USP20: variants seen among roughly 807,000 people sequenced by gnomAD.
USP20 encodes the protein ubiquitin specific peptidase 20.
Under a neutral mutation model 124.2 loss-of-function variants are expected in USP20, and 80 were observed. That is an observed-to-expected ratio of 0.64 (90% CI 0.54 to 0.78). The LOEUF (loss-of-function observed/expected upper bound fraction) is 0.78. Ranked by LOEUF, USP20 falls within the 30% of genes least tolerant of loss-of-function variation. The pLI is 0.00. For synonymous variants in USP20, 481 were observed against 512.3 expected (o/e 0.94, Z 0.83); for missense variants, 1,043 against 1,244.4 (o/e 0.84, Z 2.44).
At position 129,868,363 on chromosome 9, in the gene USP20, T is replaced by G. The variant is rs1164196863; in HGVS notation, c.1049T>G (p.Val350Gly). ...NSEQVDEDADVDTAMAALDDQ... is the reference protein window; with the variant it reads ...NSEQVDEDADGDTAMAALDDQ... The stretch of plus-strand genomic sequence containing the variant: ...GAGCAAGTGGACGAGGACGCTGATG[T>G]GGACACTGCCATGGCTGCCCTTGAC... Residue 350 changes from valine (V) to glycine (G), a missense_variant, in exon 11 of 26, where the codon GTG becomes GGG. Transcript: ENST00000372429. 6.2e-7 allele frequency: 1 copy of G among 1,601,970 alleles called. No individual in the cohort carries two copies. Among genetic ancestry groups the G allele is most frequent in the Non-Finnish European group, 8.5e-7 (1 of 1,176,486 alleles).
chr9:129,878,716 C>G (rs1020359110), intron 23 of USP20, among the ~76,000 whole-genome samples: 1 of 152,210 alleles, frequency 6.6e-6, no homozygotes, highest in South Asian at 2.1e-4. Flanking sequence ...CCTGCAAGGC[C>G]CTTTCCTCAG....
At chr9:129,842,465 TC>T (rs1328986494) in intron 1 of USP20, among the ~76,000 whole-genome samples, 2 of 152,172 alleles carry the variant, frequency 1.3e-5, no homozygotes, top group Non-Finnish European at 2.9e-5. Flanking sequence ...AAGTCACTGT[TC>T]CTAAGGAGGT....
At chr9:129,835,738 G>T (rs964948034) in intron 1 of USP20, 4 of 152,544 alleles carry the variant, frequency 2.6e-5, no homozygotes, top group African/African-American at 9.7e-5. Flanking sequence ...GGGGCTCGTG[G>T]CTTCTCCAGA....
chr9:129,856,407 G>C, intron 4 of USP20, 47 bp downstream of exon 4: 7 of 1,599,280 alleles, frequency 4.4e-6, no homozygotes, highest in African/African-American at 1.3e-5. Flanking sequence ...GCTTCCACCT[G>C]TTATCAGCAC....
chr9:129,842,841 C>T (rs62584851), intron 1 of USP20, among the ~76,000 whole-genome samples: 21,799 of 152,068 alleles, frequency 0.14, 2,054 homozygotes, highest in African/African-American at 0.26. Flanking sequence ...GATCCACCCT[C>T]CTTAGCCTCC....
intron 9 of USP20, among the ~76,000 whole-genome samples, chr9:129,863,746 A>G (rs577927697): frequency 6.6e-6 from 1 of 152,362 alleles, no homozygotes; most frequent in South Asian, 2.1e-4. Flanking sequence ...TTCTCCAGGA[A>G]AAGTCAAAGT....
intron 1 of USP20, among the ~76,000 whole-genome samples, chr9:129,840,040 C>T (rs2032104927): frequency 2.0e-5 from 3 of 152,186 alleles, no homozygotes; most frequent in Admixed American, 6.5e-5. Flanking sequence ...CCTTCCTCCC[C>T]CCATCCTGTG....
In USP20 at chr9:129,874,809, C is replaced by G; in HGVS notation, c.1922-20C>G. Reference sequence around the variant, plus strand: ...CCCATCCGCTAGGATCCCTGTGACCCGTCTGCTCTGCCGCCGCAGGTGGGC... The same window carrying G: ...CCCATCCGCTAGGATCCCTGTGACCGGTCTGCTCTGCCGCCGCAGGTGGGC... On this transcript the variant is annotated intron_variant, in intron 18 of 25. Transcript: ENST00000372429. 1 of 1,614,026 alleles carries G rather than the reference C, an allele frequency of 6.2e-7. No homozygotes were observed. Among genetic ancestry groups the G allele is most frequent in the Non-Finnish European group, 8.5e-7 (1 of 1,180,010 alleles).
At chr9:129,863,072 A>C in intron 8 of USP20, 114 bp from the exon 9 acceptor site, 1 of 687,514 alleles carries the variant, frequency 1.5e-6, no homozygotes, top group South Asian at 3.4e-5. Context: ...TTCTGGGTCC[A>C]GGGCCACTGT....
In USP20 at chr9:129,860,921, T is replaced by C; in HGVS notation, c.331-16T>C. The stretch of plus-strand genomic sequence containing the variant: ...CCTCTGTTCACTGTTTTCCTCACTT[T>C]GGGTCTTTAACACAGGACTCCCCGC... On this transcript the variant is annotated splice_polypyrimidine_tract_variant and intron_variant, in intron 6 of 25. Transcript: ENST00000372429. The C allele has an allele frequency of 1.2e-6, 2 of 1,613,356 alleles. No homozygotes were observed. Among genetic ancestry groups the C allele is most frequent in the South Asian group, 2.2e-5 (2 of 91,060 alleles).
Position 129,839,579 on chromosome 9 carries a change from G to A in USP20, c.-129+4080G>A, listed in dbSNP as rs945284810. Among the ~76,000 whole-genome samples, 2 of 151,962 alleles carry A rather than the reference G, an allele frequency of 1.3e-5. No individual in the cohort carries two copies. Among genetic ancestry groups the A allele is most frequent in the Admixed American group, 1.3e-4 (2 of 15,248 alleles). On this transcript the variant is annotated intron_variant, in intron 1 of 25. Transcript: ENST00000372429. The surrounding 1 kb of genome is among the most constrained non-coding windows in gnomAD (Gnocchi z 4.5). The stretch of plus-strand genomic sequence containing the variant: ...AGCAGGAGGGAGAGAAAGGGTGTGC[G>A]AGGGCCAGAGGGGACTGTGGAGGGG...
chr9:129,861,589 T>A lies in USP20; in HGVS notation c.474T>A (p.Ala158=), dbSNP rs10115249. The A allele has an allele frequency of 6.2e-6, 10 of 1,613,958 alleles. No individual in the cohort carries two copies. The highest frequency in any genetic ancestry group is 2.7e-5 in the African/African-American group (2 of 74,848). Residue 158 remains alanine (A), a synonymous_variant, in exon 8 of 26, where the codon GCT becomes GCA. Coordinates refer to ENST00000372429, the MANE Select transcript of USP20 (RefSeq NM_001110303.4). ...KNLGNSCYMN[A]ALQALSNCPP... ...TCGGGAACTCCTGCTACATGAACGC[T>A]GCCCTGCAGGCCCTGTCCAATTGGT...
rs756596906 is a variant in USP20 at position 129,874,638 on chromosome 9, C to T, written c.1803C>T (p.Ser601=). The T allele has an allele frequency of 1.2e-6, 2 of 1,613,812 alleles. No individual in the cohort carries two copies. Among genetic ancestry groups the T allele is most frequent in the Admixed American group, 1.7e-5 (1 of 60,016 alleles). ...HEVMYSFKIN[S]HVSFPLEGLD... The stretch of plus-strand genomic sequence containing the variant: ...TGATGTACTCATTCAAGATCAACAG[C>T]CACGTCTCCTTCCCCCTCGAGGGGC... Residue 601 remains serine, a synonymous_variant, in exon 18 of 26, where the codon AGC becomes AGT. Coordinates refer to ENST00000372429, the MANE Select transcript of USP20 (RefSeq NM_001110303.4).
chr9:129,853,573 T>G (rs189591438), intron 3 of USP20, among the ~76,000 whole-genome samples: 1 of 152,376 alleles, frequency 6.6e-6, no homozygotes, highest in East Asian at 1.9e-4. Flanking sequence ...GCTGGTCGCC[T>G]GGCCTCGCTG....
chr9:129,864,744 A>G (rs1341256656), intron 9 of USP20, among the ~76,000 whole-genome samples: 2 of 145,374 alleles, frequency 1.4e-5, no homozygotes, highest in South Asian at 2.3e-4. Flanking sequence ...ACTGCACTCT[A>G]GCCTGGGAAA....
intron 3 of USP20, among the ~76,000 whole-genome samples, chr9:129,853,025 G>A (rs1052825484): frequency 2.0e-5 from 3 of 152,040 alleles, no homozygotes; most frequent in African/African-American, 4.8e-5. Context: ...AGGATGTGTT[G>A]CCATCCTTTT....
At chr9:129,869,973 G>A (rs1017120889) in intron 14 of USP20, 129 bp downstream of exon 14, 19 of 1,117,758 alleles carry the variant, frequency 1.7e-5, no homozygotes, top group East Asian at 9.9e-5. Flanking sequence ...GCTGGGGGCC[G>A]AAGCCTGCAG....
intron 3 of USP20, among the ~76,000 whole-genome samples, chr9:129,855,959 G>A (rs911082850): frequency 6.6e-6 from 1 of 152,220 alleles, no homozygotes; most frequent in Admixed American, 6.5e-5. Flanking sequence ...AAATAATTCA[G>A]TGCAAGAAAG....
chr9:129,863,377 C>T (rs1228672715), intron 9 of USP20, 78 bp downstream of exon 9: 2 of 1,169,072 alleles, frequency 1.7e-6, no homozygotes, highest in Admixed American at 2.3e-5. Context: ...TGAGTACTTC[C>T]TGTGGATTCA....
Sources: gnomAD v4.1 joint callset for allele counts (sites outside exome capture counted in the v4.1 genomes callset) on GRCh38, gnomAD v4.1.1 for gene constraint, Gnocchi (gnomAD v3.1) non-coding constraint, MANE v1.5 for transcripts, NCBI Gene and HGNC (gene_info 2026-07-23, HGNC 2026-07-21) for gene names.